Variants in SIL1 observed in about 807,000 individuals in gnomAD.
The protein encoded by SIL1 is SIL1 nucleotide exchange factor.
In SIL1, 40 loss-of-function variants were observed where a neutral mutation model predicts 49.1. The ratio of observed to expected loss-of-function variants is 0.81; its 90% CI spans 0.63 to 1.06. The LOEUF (loss-of-function observed/expected upper bound fraction) is 1.06. Among genes scored for constraint, SIL1 ranks in the 50% least tolerant of loss-of-function variants. The pLI, the probability that SIL1 is intolerant of heterozygous loss-of-function variation, is 0.00. For synonymous variants in SIL1, 253 were observed against 250.8 expected, an observed-to-expected ratio of 1.01 and a Z score of -0.08; for missense variants, 500 against 572.6, an observed-to-expected ratio of 0.87 and a Z score of 1.29.
intron 7 of SIL1, among the ~76,000 whole-genome samples, chr5:138,954,127 G>A (rs1330848647): frequency 6.6e-6 from 1 of 152,220 alleles, no homozygotes; most frequent in Non-Finnish European, 1.5e-5. Context: ...GCCAGCAGCA[G>A]CCCAGTCCCA....
At chr5:138,959,290 C>T (rs1254476855) in intron 7 of SIL1, among the ~76,000 whole-genome samples, 1 of 152,214 alleles carries the variant, frequency 6.6e-6, no homozygotes, top group Non-Finnish European at 1.5e-5. Flanking sequence ...TTCCTACGTT[C>T]TGAGGACAAG....
intron 1 of SIL1, among the ~76,000 whole-genome samples, 189 bp downstream of exon 1, chr5:139,198,079 TA>T (rs1369692207): frequency 6.6e-6 from 1 of 152,138 alleles, no homozygotes; most frequent in African/African-American, 2.4e-5. Flanking sequence ...GTGGGAAAGA[TA>T]AGAAAGGTAG....
chr5:138,958,508 C>G (rs1766948194), intron 7 of SIL1, among the ~76,000 whole-genome samples: 1 of 152,184 alleles, frequency 6.6e-6, no homozygotes, highest in South Asian at 2.1e-4. Flanking sequence ...ATCAAACTTT[C>G]ATGTAGTCGT....
At chr5:138,965,695 G>T (rs1311794420) in intron 7 of SIL1, among the ~76,000 whole-genome samples, 1 of 149,854 alleles carries the variant, frequency 6.7e-6, no homozygotes, top group Non-Finnish European at 1.5e-5. Context: ...CACGGAGGGG[G>T]ATAACAGCAC....
At chr5:139,003,342 T>TG (rs1330931182) in intron 7 of SIL1, among the ~76,000 whole-genome samples, 2 of 152,054 alleles carry the variant, frequency 1.3e-5, no homozygotes, top group Non-Finnish European at 2.9e-5. Flanking sequence ...CCCTTGGACT[T>TG]GGGGGAAAGG....
intron 7 of SIL1, among the ~76,000 whole-genome samples, chr5:138,976,461 C>T (rs1374802351): frequency 1.3e-4 from 20 of 151,872 alleles, no homozygotes; most frequent in East Asian, 7.7e-4. Flanking sequence ...TACAGGCACG[C>T]GCCACCATAC....
chr5:139,133,904 A>G (rs1750920001), intron 1 of SIL1, among the ~76,000 whole-genome samples: 1 of 152,230 alleles, frequency 6.6e-6, no homozygotes, highest in African/African-American at 2.4e-5. Flanking sequence ...ATGGACTTGA[A>G]GTCAGACAGA....
intron 7 of SIL1, among the ~76,000 whole-genome samples, chr5:138,976,841 A>T (rs928796106): frequency 6.6e-6 from 1 of 150,930 alleles, no homozygotes; most frequent in African/African-American, 2.4e-5. Flanking sequence ...ATATGAAATT[A>T]AAAAAAAAAT....
rs886059983 is a variant in SIL1 at position 139,198,350 on chromosome 5, A to T, written c.-92T>A. On this transcript the variant is annotated 5_prime_UTR_variant, in exon 1 of 10. It adds an upstream start codon to the 5' untranslated region. Coordinates refer to ENST00000394817, the MANE Select transcript of SIL1 (RefSeq NM_022464.5). ...GGCGGCGACCAGCTCCCCCTGCGCA[A>T]ACGCGGCGGCGACCGTCTGAGCCGG... The T allele has an allele frequency of 1.3e-5, 2 of 152,046 alleles. No individual in the cohort carries two copies. The highest frequency in any genetic ancestry group is 2.9e-5 in the Non-Finnish European group (2 of 67,996). The allele number at this position is 152,046 out of a possible 1,614,324, so 9.4% of individuals were successfully genotyped here.
chr5:139,043,876 T>C (rs559976604), intron 4 of SIL1, among the ~76,000 whole-genome samples: 3 of 152,180 alleles, frequency 2.0e-5, no homozygotes, highest in Admixed American at 1.3e-4. Context: ...AGGTTGGTGT[T>C]GGGTTCAGGA....
Position 139,115,411 on chromosome 5 carries a change from T to G in SIL1, c.244+5624A>C, listed in dbSNP as rs548134907. ...CTCTTGGTTGGAGGTTCTAAATAGC[T>G]TCAGGATGGAGGCTGGTTGCCAGAA... On this transcript the variant is annotated intron_variant, in intron 3 of 9. Transcript: ENST00000394817. 5.9e-5 allele frequency among the ~76,000 whole-genome samples: 9 copies of G among 152,220 alleles called. No homozygotes were observed. In the South Asian group the frequency reaches 1.9e-3, roughly 32 times the overall value.
At chr5:139,057,092 G>C (rs1482568900) in intron 3 of SIL1, among the ~76,000 whole-genome samples, 2 of 151,766 alleles carry the variant, frequency 1.3e-5, no homozygotes, top group Non-Finnish European at 2.9e-5. Flanking sequence ...TGCAAGATGT[G>C]CTTTGTTAAA....
chr5:138,954,556 G>T (rs1192813513), intron 7 of SIL1, among the ~76,000 whole-genome samples: 2 of 152,260 alleles, frequency 1.3e-5, no homozygotes, highest in African/African-American at 4.8e-5. Context: ...CAGAGGAAGA[G>T]GGGGAAGATG....
intron 3 of SIL1, among the ~76,000 whole-genome samples, chr5:139,112,872 G>A (rs1056779071): frequency 1.1e-4 from 17 of 152,186 alleles, no homozygotes; most frequent in African/African-American, 3.9e-4. Flanking sequence ...GAAATGTGGG[G>A]AAAAGATAGA....
intron 2 of SIL1, among the ~76,000 whole-genome samples, chr5:139,125,386 C>T (rs970421130): frequency 2.6e-5 from 4 of 152,200 alleles, no homozygotes; most frequent in African/African-American, 2.4e-5. Flanking sequence ...GCGCTTGTAT[C>T]CGAATAAGAG....
intron 1 of SIL1, among the ~76,000 whole-genome samples, chr5:139,195,489 G>A (rs1238289354): frequency 2.0e-5 from 3 of 152,124 alleles, no homozygotes; most frequent in African/African-American, 2.4e-5. Context: ...CCAGGTTCAC[G>A]CCATTCTCCT....
At chr5:138,952,818 G>A (rs1766812473) in intron 7 of SIL1, among the ~76,000 whole-genome samples, 1 of 152,256 alleles carries the variant, frequency 6.6e-6, no homozygotes, top group Admixed American at 6.5e-5. Context: ...ATCAGGGCAG[G>A]GTGCCATGCA....
At chr5:138,981,064 C>A (rs7729007) in intron 7 of SIL1, among the ~76,000 whole-genome samples, 20 of 152,084 alleles carry the variant, frequency 1.3e-4, no homozygotes, top group African/African-American at 4.6e-4. Flanking sequence ...AATTTGCTGG[C>A]TCTGGTGGCG....
chr5:139,034,099 T>C (rs900024645), intron 5 of SIL1, among the ~76,000 whole-genome samples: 11 of 152,182 alleles, frequency 7.2e-5, no homozygotes, highest in Non-Finnish European at 1.6e-4. Context: ...TAATTTCCTT[T>C]AATCTAAAGT....
Sources: allele counts gnomAD v4.1 joint callset (sites outside exome capture counted in the v4.1 genomes callset), GRCh38; gene constraint gnomAD v4.1.1; transcripts MANE v1.5; gene names NCBI Gene and HGNC (gene_info 2026-07-23, HGNC 2026-07-21).